Variants in NFIB observed in about 807,000 individuals in gnomAD.
The protein encoded by NFIB is nuclear factor I B.
Under a neutral mutation model 61.5 loss-of-function variants are expected in NFIB, and 11 were observed. The ratio of observed to expected loss-of-function variants is 0.18; its 90% CI spans 0.11 to 0.30. The LOEUF (loss-of-function observed/expected upper bound fraction) is 0.30, where lower values mean the gene tolerates loss of function less well. Among genes scored for constraint, NFIB ranks in the 10% least tolerant of loss-of-function variants. The probability of loss-of-function intolerance (pLI) is 1.00; values close to 1 mark genes in which losing one functional copy is unlikely to be tolerated. For synonymous variants in NFIB, 260 were observed against 216.5 expected (o/e 1.20, Z -1.76); for missense variants, 471 against 608.9 (o/e 0.77, Z 2.38).
At chr9:14,125,392 G>A (rs1329838012) in intron 7 of NFIB, among the ~76,000 whole-genome samples, 1 of 152,094 alleles carries the variant, frequency 6.6e-6, no homozygotes, top group Non-Finnish European at 1.5e-5. Flanking sequence ...ACCTGACCTC[G>A]TGATCCACCC....
At chr9:14,179,942 C>A (rs983293372) in intron 2 of NFIB, among the ~76,000 whole-genome samples, 162 bp from the exon 3 acceptor site, 2 of 152,122 alleles carry the variant, frequency 1.3e-5, no homozygotes, top group Non-Finnish European at 2.9e-5. Flanking sequence ...TTTTACTCAT[C>A]AAACTACATG....
intron 1 of NFIB, among the ~76,000 whole-genome samples, chr9:14,379,438 A>G (rs533811171): frequency 6.6e-6 from 1 of 152,286 alleles, no homozygotes; most frequent in African/African-American, 2.4e-5. Context: ...GACATAAAAG[A>G]CTATTTGTGG....
At chr9:14,351,355 G>T (rs570325561) in intron 1 of NFIB, among the ~76,000 whole-genome samples, 4 of 152,148 alleles carry the variant, frequency 2.6e-5, no homozygotes, top group African/African-American at 9.7e-5. Context: ...TCTCAACAGC[G>T]CCAGCCCTGT....
chr9:14,127,172 G>A (rs182474482), intron 6 of NFIB, among the ~76,000 whole-genome samples: 4 of 152,266 alleles, frequency 2.6e-5, no homozygotes, highest in African/African-American at 9.6e-5. Flanking sequence ...AAGCAATGTA[G>A]ACTGTCATCA....
chr9:14,085,590 T>C lies in NFIB; in HGVS notation c.*2719A>G. On this transcript the variant is annotated 3_prime_UTR_variant, in exon 11 of 11. Transcript: ENST00000380953. ...CTCAGTTTTAAAAGGGGAGATAAAA[T>C]GAAAACAGGATTTACTTTTTTGTTC... 1 of 220,214 alleles carries C rather than the reference T, an allele frequency of 4.5e-6. No homozygotes were observed. The highest frequency in any genetic ancestry group is 9.1e-6 in the Non-Finnish European group (1 of 109,970). 13.6% of individuals were successfully genotyped at this position (220,214 alleles called of 1,614,324 possible). A position where few individuals can be genotyped will look rare whatever the true frequency, so the allele number is the denominator to read the frequency against.
chr9:14,211,055 T>C (rs536050849), intron 2 of NFIB, among the ~76,000 whole-genome samples: 1 of 152,326 alleles, frequency 6.6e-6, no homozygotes, highest in South Asian at 2.1e-4. Flanking sequence ...AATCATTCCC[T>C]AAAAATTTAA....
the NFIB span, among the ~76,000 whole-genome samples, chr9:14,483,693 G>C: frequency 6.6e-6 from 1 of 152,304 alleles, no homozygotes; most frequent in African/African-American, 2.4e-5. Context: ...TTAGCAATAA[G>C]AATCTCTAAG....
chr9:14,444,721 A>T, the NFIB span, among the ~76,000 whole-genome samples: 1 of 152,224 alleles, frequency 6.6e-6, no homozygotes, highest in African/African-American at 2.4e-5. Flanking sequence ...CTTTTAAAAA[A>T]TTGTGAAATA....
chr9:14,102,441 A>G, intron 10 of NFIB: 1 of 1,550,194 alleles, frequency 6.5e-7, no homozygotes, highest in South Asian at 1.2e-5. Flanking sequence ...GTAATTCCCA[A>G]TGTATCCTCA....
At chr9:14,250,303 C>A (rs1403699108) in intron 2 of NFIB, among the ~76,000 whole-genome samples, 3 of 152,102 alleles carry the variant, frequency 2.0e-5, no homozygotes, top group Non-Finnish European at 1.5e-5. Context: ...CTCTGATGGA[C>A]AATAATGTCC....
chr9:14,448,605 G>A, the NFIB span, among the ~76,000 whole-genome samples: 1 of 152,156 alleles, frequency 6.6e-6, no homozygotes, highest in Non-Finnish European at 1.5e-5. Flanking sequence ...CAAAGGGAAA[G>A]CCAAAGCTAA....
chr9:14,203,652 G>A (rs918411482), intron 2 of NFIB, among the ~76,000 whole-genome samples: 4 of 152,160 alleles, frequency 2.6e-5, no homozygotes, highest in Admixed American at 6.5e-5. Context: ...CCTCACCAAG[G>A]GCAAAGGCCA....
chr9:14,403,662 A>T (rs1564061371), upstream of NFIB, among the ~76,000 whole-genome samples: 1 of 152,218 alleles, frequency 6.6e-6, no homozygotes, highest in Non-Finnish European at 1.5e-5. Flanking sequence ...TATGAAAATA[A>T]TACAGGATGA....
the NFIB span, among the ~76,000 whole-genome samples, chr9:14,496,195 A>C: frequency 6.6e-6 from 1 of 152,094 alleles, no homozygotes; most frequent in Admixed American, 6.5e-5. Flanking sequence ...TTATCTTTGG[A>C]TTTTGGAATA....
At chr9:14,205,119 T>C (rs2049495413) in intron 2 of NFIB, 1 of 155,276 alleles carries the variant, frequency 6.4e-6, no homozygotes. Flanking sequence ...GAATTAACTA[T>C]GTCTGTGGCA....
intron 1 of NFIB, among the ~76,000 whole-genome samples, chr9:14,389,493 A>G (rs2061594209): frequency 6.6e-6 from 1 of 152,208 alleles, no homozygotes; most frequent in African/African-American, 2.4e-5. Flanking sequence ...AATCATTCCA[A>G]TGTGTACACT....
At chr9:14,171,769 T>C (rs1435687869) in intron 3 of NFIB, among the ~76,000 whole-genome samples, 1 of 152,028 alleles carries the variant, frequency 6.6e-6, no homozygotes, top group East Asian at 1.9e-4. Flanking sequence ...TAAATTGGAG[T>C]TAACCATGAG....
chr9:14,109,244 C>T (rs2036996385), intron 10 of NFIB, among the ~76,000 whole-genome samples: 1 of 152,026 alleles, frequency 6.6e-6, no homozygotes, highest in Non-Finnish European at 1.5e-5. Context: ...ACATCCAACA[C>T]TCTGATTGAT....
intron 3 of NFIB, among the ~76,000 whole-genome samples, chr9:14,163,697 G>A (rs2044454935): frequency 6.6e-6 from 1 of 151,862 alleles, no homozygotes; most frequent in Non-Finnish European, 1.5e-5. Flanking sequence ...ATCTTTTTAA[G>A]AATTGAACAT....
Sources: allele counts gnomAD v4.1 joint callset (sites outside exome capture counted in the v4.1 genomes callset), GRCh38; gene constraint gnomAD v4.1.1; transcripts MANE v1.5; gene names NCBI Gene and HGNC (gene_info 2026-07-23, HGNC 2026-07-21).